The following DRC11 variants were observed in gnomAD, a reference collection of about 807,000 sequenced individuals.
The protein encoded by DRC11 is dynein regulatory complex subunit 11.
the DRC11 span, among the ~76,000 whole-genome samples, chr2:236,425,107 A>G: frequency 0.019 from 2,928 of 152,158 alleles, 141 homozygotes; most frequent in African/African-American, 0.066. Context: ...TTTTGTGAGC[A>G]ATGCTGCAAT....
chr2:236,345,856 G>A, the DRC11 span, among the ~76,000 whole-genome samples: 1 of 152,210 alleles, frequency 6.6e-6, no homozygotes, highest in African/African-American at 2.4e-5. Context: ...AAGGCAGCAG[G>A]CATGATTTTA....
At chr2:236,370,883 G>A in the DRC11 span, among the ~76,000 whole-genome samples, 27,270 of 151,748 alleles carry the variant, frequency 0.18, 2,695 homozygotes, top group Non-Finnish European at 0.23. The surrounding 1 kb of genome is among the most constrained non-coding windows in gnomAD (Gnocchi z 5.5). Flanking sequence ...TGCAGGCTTT[G>A]CATCCTCTGG....
chr2:236,453,183 T>C, the DRC11 span, among the ~76,000 whole-genome samples: 1 of 152,138 alleles, frequency 6.6e-6, no homozygotes, highest in African/African-American at 2.4e-5. The surrounding 1 kb of genome is among the most constrained non-coding windows in gnomAD (Gnocchi z 4.9). Flanking sequence ...AAAACAGACA[T>C]AGGAGAAAGG....
At chr2:236,408,125 A>G in the DRC11 span, 1 of 664,572 alleles carries the variant, frequency 1.5e-6, no homozygotes, top group Non-Finnish European at 2.9e-6. This position sits in a 1 kb window ranked among gnomAD's most constrained non-coding sequence, Gnocchi z 5.5. Context: ...CCACCCAGAG[A>G]GTTGATATTC....
chr2:236,504,691 C>T, the DRC11 span, among the ~76,000 whole-genome samples: 1 of 152,128 alleles, frequency 6.6e-6, no homozygotes, highest in East Asian at 1.9e-4. This position sits in a 1 kb window ranked among gnomAD's most constrained non-coding sequence, Gnocchi z 5.0. Flanking sequence ...ATAATCCCCA[C>T]GTGTTGTAAG....
the DRC11 span, among the ~76,000 whole-genome samples, chr2:236,328,587 A>C: frequency 6.7e-6 from 1 of 150,052 alleles, no homozygotes; most frequent in Non-Finnish European, 1.5e-5. This position sits in a 1 kb window ranked among gnomAD's most constrained non-coding sequence, Gnocchi z 6.7. Context: ...TAGGCCACCC[A>C]TGTATTAGCT....
At chr2:236,416,723 A>ATATATATATATATATATATATTTT in the DRC11 span, among the ~76,000 whole-genome samples, 1 of 10,668 alleles carries the variant, frequency 9.4e-5, no homozygotes, top group Non-Finnish European at 1.7e-4. Flanking sequence ...ATATATATTT[A>ATATATATATATATATATATATTTT]TATATATATA....
At chr2:236,460,068 G>T in the DRC11 span, among the ~76,000 whole-genome samples, 10 of 152,004 alleles carry the variant, frequency 6.6e-5, no homozygotes, top group African/African-American at 2.4e-4. This position sits in a 1 kb window ranked among gnomAD's most constrained non-coding sequence, Gnocchi z 4.0. Flanking sequence ...AACAATATTT[G>T]CTTTTTATTT....
chr2:236,442,650 C>G, the DRC11 span, among the ~76,000 whole-genome samples: 1 of 152,138 alleles, frequency 6.6e-6, no homozygotes, highest in Non-Finnish European at 1.5e-5. Context: ...GAAAACGATG[C>G]TTTGCAGAAT....
the DRC11 span, among the ~76,000 whole-genome samples, chr2:236,366,259 C>T: frequency 4.3e-4 from 65 of 152,278 alleles, no homozygotes; most frequent in Non-Finnish European, 6.0e-4. Flanking sequence ...AGGCTGCAGC[C>T]GGTGTCTCCT....
chr2:236,424,108 G>A, the DRC11 span, among the ~76,000 whole-genome samples: 1 of 151,248 alleles, frequency 6.6e-6, no homozygotes, highest in Non-Finnish European at 1.5e-5. Context: ...GCTAGATGAC[G>A]AGTTAGTGGG....
At chr2:236,452,955 C>G in the DRC11 span, among the ~76,000 whole-genome samples, 1 of 152,166 alleles carries the variant, frequency 6.6e-6, no homozygotes, top group Admixed American at 6.5e-5. The surrounding 1 kb of genome is among the most constrained non-coding windows in gnomAD (Gnocchi z 4.7). Flanking sequence ...TTATTTTCAC[C>G]TTTCTTCAAT....
At chr2:236,497,127 A>T in the DRC11 span, 1 of 1,460,554 alleles carries the variant, frequency 6.8e-7, no homozygotes, top group Non-Finnish European at 9.0e-7. The surrounding 1 kb of genome is among the most constrained non-coding windows in gnomAD (Gnocchi z 5.1). Context: ...TTATAACAAA[A>T]AAAAGCAACT....
At chr2:236,426,110 A>G in the DRC11 span, among the ~76,000 whole-genome samples, 1 of 151,962 alleles carries the variant, frequency 6.6e-6, no homozygotes, top group African/African-American at 2.4e-5. The surrounding 1 kb of genome is among the most constrained non-coding windows in gnomAD (Gnocchi z 4.1). Context: ...TTCATTGGAT[A>G]TTTGAGGTGT....
At chr2:236,384,995 G>A in the DRC11 span, among the ~76,000 whole-genome samples, 5 of 151,996 alleles carry the variant, frequency 3.3e-5, no homozygotes, top group Non-Finnish European at 7.4e-5. Flanking sequence ...ATTTCTGAGG[G>A]CTCTGTTCTG....
chr2:236,355,398 G>GC, the DRC11 span, among the ~76,000 whole-genome samples: 1 of 152,210 alleles, frequency 6.6e-6, no homozygotes, highest in African/African-American at 2.4e-5. Context: ...AATAGTCTAT[G>GC]TAAAAAAGAA....
chr2:236,338,632 G>A, the DRC11 span, among the ~76,000 whole-genome samples: 2 of 152,158 alleles, frequency 1.3e-5, no homozygotes, highest in Non-Finnish European at 2.9e-5. Flanking sequence ...GGGAAGGAAG[G>A]AAGCACCTTG....
chr2:236,389,468 C>A, the DRC11 span, among the ~76,000 whole-genome samples: 1 of 152,240 alleles, frequency 6.6e-6, no homozygotes, highest in Non-Finnish European at 1.5e-5. Context: ...AGAAAGGGAA[C>A]TCCCTGACCC....
the DRC11 span, among the ~76,000 whole-genome samples, chr2:236,374,959 C>A: frequency 4.6e-5 from 7 of 151,630 alleles, no homozygotes; most frequent in Admixed American, 4.6e-4. Context: ...CCTTGGCCTC[C>A]CAAAGTGCTG....
Sources: gnomAD v4.1 joint callset for allele counts (sites outside exome capture counted in the v4.1 genomes callset) on GRCh38, gnomAD v4.1.1 for gene constraint, Gnocchi (gnomAD v3.1) non-coding constraint, MANE v1.5 for transcripts, NCBI Gene and HGNC (gene_info 2026-07-23, HGNC 2026-07-21) for gene names.